MGAT5: variants seen among roughly 807,000 people sequenced by gnomAD.
The protein encoded by MGAT5 is alpha-1,6-mannosylglycoprotein 6-beta-N-acetylglucosaminyltransferase A.
In MGAT5, 30 loss-of-function variants were observed where a neutral mutation model predicts 94.3. The observed-to-expected ratio is 0.32, with a 90% CI of 0.24 to 0.43. MGAT5 has a LOEUF of 0.43. MGAT5 is among the 20% of genes least tolerant of loss of function. The pLI, the probability that MGAT5 is intolerant of heterozygous loss-of-function variation, is 1.00. For synonymous variants in MGAT5, 310 were observed against 322.9 expected (o/e 0.96, Z 0.43); for missense variants, 691 against 905.5 (o/e 0.76, Z 3.04).
At position 134,452,638 on chromosome 2, in the gene MGAT5, G is replaced by A. The variant is rs976576472; in HGVS notation, c.*3791G>A. 6.6e-6 allele frequency: 1 copy of A among 152,118 alleles called. No individual in the cohort carries two copies. The highest frequency in any genetic ancestry group is 1.5e-5 in the Non-Finnish European group (1 of 68,022). The allele number at this position is 152,118 out of a possible 1,614,324, so 9.4% of individuals were successfully genotyped here. ...CTCCAAGGTGGTTTACCTAGCTTGT[G>A]TATATTAGACATTGCCACCCTCACC... On this transcript the variant is annotated 3_prime_UTR_variant, in exon 16 of 16. Transcript: ENST00000281923.
At chr2:134,170,855 C>CT (rs112717170) in intron 1 of MGAT5, among the ~76,000 whole-genome samples, 44,171 of 145,748 alleles carry the variant, frequency 0.3, 7,078 homozygotes, top group East Asian at 0.48. Context: ...GATCTCTACT[C>CT]TTTTTTTTTT....
intron 10 of MGAT5, among the ~76,000 whole-genome samples, chr2:134,384,893 A>G (rs1317096796): frequency 6.6e-6 from 1 of 152,214 alleles, no homozygotes; most frequent in Non-Finnish European, 1.5e-5. Context: ...AGGTCAAATT[A>G]GCATGCTGGG....
At chr2:134,229,382 C>T (rs934333901) in intron 1 of MGAT5, among the ~76,000 whole-genome samples, 5 of 152,292 alleles carry the variant, frequency 3.3e-5, no homozygotes, top group Admixed American at 6.5e-5. Context: ...ATTAACAGAT[C>T]GGCATTCCTG....
At chr2:134,216,617 C>T (rs539518615) in intron 1 of MGAT5, among the ~76,000 whole-genome samples, 1 of 152,306 alleles carries the variant, frequency 6.6e-6, no homozygotes, top group East Asian at 1.9e-4. Flanking sequence ...CCCAGGTTGC[C>T]CTGTGTGATG....
chr2:134,403,812 A>AT (rs1683192715), intron 11 of MGAT5, among the ~76,000 whole-genome samples: 1 of 152,064 alleles, frequency 6.6e-6, no homozygotes, highest in African/African-American at 2.4e-5. Context: ...GGATGAGGGA[A>AT]TGTGAGGGTC....
chr2:134,227,741 T>C (rs1299828275), intron 1 of MGAT5, among the ~76,000 whole-genome samples: 1 of 152,166 alleles, frequency 6.6e-6, no homozygotes, highest in African/African-American at 2.4e-5. Flanking sequence ...TAGCATCTTG[T>C]ATGGACTCAA....
At chr2:134,324,568 T>A (rs1687533907) in intron 4 of MGAT5, among the ~76,000 whole-genome samples, 1 of 152,130 alleles carries the variant, frequency 6.6e-6, no homozygotes, top group Admixed American at 6.6e-5. Context: ...TGTTTGTGAA[T>A]GCGAGCATGA....
intron 9 of MGAT5, among the ~76,000 whole-genome samples, chr2:134,352,480 G>A (rs1679449461): frequency 6.6e-6 from 1 of 152,168 alleles, no homozygotes; most frequent in African/African-American, 2.4e-5. Context: ...ATATATGTCA[G>A]ATACAAAGGA....
chr2:134,271,285 G>A (rs905352955), intron 2 of MGAT5, among the ~76,000 whole-genome samples: 1 of 150,540 alleles, frequency 6.6e-6, no homozygotes, highest in African/African-American at 2.5e-5. Context: ...CTTTGTGCTT[G>A]AACCAGGACT....
chr2:134,189,668 C>T (rs1689270984), intron 1 of MGAT5, among the ~76,000 whole-genome samples: 1 of 135,576 alleles, frequency 7.4e-6, no homozygotes, highest in Non-Finnish European at 1.5e-5. Flanking sequence ...ATGGCGTGAT[C>T]TTGGCTCACT....
At chr2:134,265,155 G>A (rs908896355) in intron 1 of MGAT5, among the ~76,000 whole-genome samples, 1 of 152,144 alleles carries the variant, frequency 6.6e-6, no homozygotes, top group Admixed American at 6.5e-5. Context: ...ATGGGGTGGT[G>A]GACAGCATAG....
intron 2 of MGAT5, among the ~76,000 whole-genome samples, chr2:134,285,055 T>C (rs1397514687): frequency 6.6e-6 from 1 of 152,230 alleles, no homozygotes; most frequent in Non-Finnish European, 1.5e-5. Context: ...TTTTCTTCTT[T>C]ACCGTTATAT....
intron 1 of MGAT5, among the ~76,000 whole-genome samples, chr2:134,129,743 G>T (rs1021386578): frequency 2.0e-5 from 3 of 150,786 alleles, no homozygotes; most frequent in African/African-American, 7.3e-5. Context: ...ACTTGTTCTG[G>T]CTTATGTAAT....
At chr2:134,274,469 G>C (rs745733729) in intron 2 of MGAT5, among the ~76,000 whole-genome samples, 1 of 140,488 alleles carries the variant, frequency 7.1e-6, no homozygotes, top group African/African-American at 3.0e-5. Context: ...GGATGTGGAG[G>C]CTTCATAGGA....
intron 2 of MGAT5, among the ~76,000 whole-genome samples, chr2:134,286,167 G>A (rs1684988058): frequency 1.3e-5 from 2 of 152,072 alleles, no homozygotes; most frequent in Admixed American, 6.6e-5. Flanking sequence ...CCTTCTTACT[G>A]TGGCCCACAG....
chr2:134,258,150 C>G (rs1683097708), intron 1 of MGAT5, among the ~76,000 whole-genome samples: 1 of 102,994 alleles, frequency 9.7e-6, no homozygotes, highest in Non-Finnish European at 2.0e-5. Flanking sequence ...GACCTATGCG[C>G]CAAATTCAGG....
At chr2:134,240,268 G>A (rs1443235954) in intron 1 of MGAT5, among the ~76,000 whole-genome samples, 2 of 152,116 alleles carry the variant, frequency 1.3e-5, no homozygotes, top group Non-Finnish European at 2.9e-5. Flanking sequence ...TGGGAATTTG[G>A]AACAGCTGGA....
At chr2:134,344,788 G>A in intron 7 of MGAT5, 142 bp from the exon 8 acceptor site, 1 of 916,898 alleles carries the variant, frequency 1.1e-6, no homozygotes, top group Admixed American at 2.8e-5. Context: ...ATTTATATAG[G>A]TAGCAGATTT....
At chr2:134,152,872 G>T (rs1484515324) in intron 1 of MGAT5, among the ~76,000 whole-genome samples, 1 of 150,082 alleles carries the variant, frequency 6.7e-6, no homozygotes, top group Non-Finnish European at 1.5e-5. Context: ...AGATCTCTAA[G>T]CATACCCTTT....
Sources: allele counts gnomAD v4.1 joint callset (sites outside exome capture counted in the v4.1 genomes callset), GRCh38; gene constraint gnomAD v4.1.1; transcripts MANE v1.5; gene names NCBI Gene and HGNC (gene_info 2026-07-23, HGNC 2026-07-21).